APP: variants seen among roughly 807,000 people sequenced by gnomAD.
APP encodes the protein amyloid beta precursor protein.
In APP, 31 loss-of-function variants were observed where a neutral mutation model predicts 101.4. The observed-to-expected ratio is 0.31, with a 90% CI of 0.23 to 0.41. The LOEUF (loss-of-function observed/expected upper bound fraction) is 0.41. Ranked by LOEUF, APP falls within the 10% of genes least tolerant of loss-of-function variation. The pLI, the probability that APP is intolerant of heterozygous loss-of-function variation, is 1.00. For missense variants in APP, 839 were observed against 1,003.7 expected (o/e 0.84, Z 2.22); for synonymous variants, 366 against 364.4 (o/e 1.00, Z -0.05).
chr21:25,963,775 G>A (rs1285265434), intron 11 of APP, among the ~76,000 whole-genome samples: 1 of 152,092 alleles, frequency 6.6e-6, no homozygotes, highest in South Asian at 2.1e-4. Flanking sequence ...ACTGCCATGG[G>A]GACCTCTGAA....
intron 13 of APP, among the ~76,000 whole-genome samples, chr21:25,950,424 A>C (rs534646352): frequency 4.4e-4 from 58 of 133,136 alleles, no homozygotes; most frequent in African/African-American, 1.5e-3. Flanking sequence ...CTTGACGCCC[A>C]GGCTGGAGTG....
At chr21:25,974,247 T>C (rs139709469) in intron 11 of APP, among the ~76,000 whole-genome samples, 1 of 152,282 alleles carries the variant, frequency 6.6e-6, no homozygotes, top group East Asian at 1.9e-4. Context: ...ATCTCAACTT[T>C]CCTTGACCTT....
chr21:26,070,459 A>C lies in APP; in HGVS notation c.356-17111T>G, dbSNP rs184396717. Among the ~76,000 whole-genome samples the C allele has an allele frequency of 1.1e-3, 166 of 152,312 alleles. 1 individual carries two copies. Among genetic ancestry groups the C allele is most frequent in the African/African-American group, 3.7e-3 (153 of 41,570 alleles). On this transcript the variant is annotated intron_variant, in intron 3 of 17. Transcript: ENST00000346798. ...CTTCTTTAGCAGAAAATGCCCCTGG[A>C]GAATTTTGAACCATTTCTTGATCTA...
chr21:25,911,343 G>A (rs529756376), intron 14 of APP, among the ~76,000 whole-genome samples: 9 of 152,250 alleles, frequency 5.9e-5, no homozygotes, highest in South Asian at 2.1e-4. Flanking sequence ...GCTCCCCTTC[G>A]TCCGGGAGTG....
chr21:26,012,307 C>CTT (rs112703303), intron 6 of APP, among the ~76,000 whole-genome samples: 4 of 146,546 alleles, frequency 2.7e-5, no homozygotes, highest in African/African-American at 9.9e-5. Context: ...CCTGTAAACA[C>CTT]TTTTTTTTTT....
intron 13 of APP, among the ~76,000 whole-genome samples, chr21:25,918,945 AAGAC>A (rs1217446714): frequency 7.8e-6 from 1 of 128,596 alleles, no homozygotes; most frequent in Non-Finnish European, 1.6e-5. Flanking sequence ...GACAAACAAA[AAGAC>A]AGCAGTAACC....
chr21:25,952,754 A>G (rs2041146087), intron 13 of APP, among the ~76,000 whole-genome samples: 1 of 152,050 alleles, frequency 6.6e-6, no homozygotes, highest in Admixed American at 6.6e-5. Context: ...AAACAAACAA[A>G]CAAACAAACA....
chr21:26,063,330 T>A (rs535942740), intron 3 of APP, among the ~76,000 whole-genome samples: 64 of 152,338 alleles, frequency 4.2e-4, no homozygotes, highest in African/African-American at 1.4e-3. Context: ...GACAAATACA[T>A]TGCCTTGCTC....
In APP at chr21:26,000,151, C is replaced by T. The variant is rs201294669; in HGVS notation, c.897G>A (p.Pro299=). ...ACCAGCGGGAGATCATTGCTCGGCACGGCCCCGTCTCGGCTTGTTCAGAGC... is the reference window on the plus strand; with the variant it reads ...ACCAGCGGGAGATCATTGCTCGGCATGGCCCCGTCTCGGCTTGTTCAGAGC... The part of the protein sequence containing the change: ...EVCSEQAETG[P]CRAMISRWYF... The change falls in exon 7 of 18, where the codon CCG becomes CCA. Residue 299 remains proline, a synonymous_variant. Coordinates refer to ENST00000346798, the MANE Select transcript of APP (RefSeq NM_000484.4). 16 of 1,614,204 alleles carry T rather than the reference C, an allele frequency of 9.9e-6. No individual in the cohort carries two copies. In the South Asian group the frequency reaches 1.1e-4, roughly 11 times the overall value.
chr21:26,027,287 A>G lies in APP; in HGVS notation c.663-5245T>C, dbSNP rs1321801580. 2.6e-5 allele frequency among the ~76,000 whole-genome samples: 4 copies of G among 152,300 alleles called. No homozygotes were observed. The South Asian group carries it at 6.2e-4, about 24-fold the overall frequency. On this transcript the variant is annotated intron_variant, in intron 5 of 17. Coordinates refer to ENST00000346798, the MANE Select transcript of APP (RefSeq NM_000484.4). ...ATATGAAAATGGGAAAAAAGAGTCT[A>G]GAGGCTCCCAGAGTCAGAAGAGAGA...
chr21:26,124,718 T>C (rs1024945342), intron 1 of APP, among the ~76,000 whole-genome samples: 9 of 152,278 alleles, frequency 5.9e-5, no homozygotes, highest in Admixed American at 5.9e-4. Flanking sequence ...TGTTGATGGC[T>C]AAGCAAAACA....
chr21:25,941,873 G>A (rs1274528995), intron 13 of APP: 1 of 152,204 alleles, frequency 6.6e-6, no homozygotes, highest in African/African-American at 2.4e-5. Flanking sequence ...AAACTCTTAT[G>A]TCTGATCCCT....
chr21:26,016,020 C>T (rs932421683), intron 6 of APP, among the ~76,000 whole-genome samples: 1 of 151,934 alleles, frequency 6.6e-6, no homozygotes, highest in African/African-American at 2.4e-5. Flanking sequence ...ATTTGTGGAC[C>T]CCCGATCATT....
chr21:26,077,613 T>A (rs1436571623), intron 3 of APP, among the ~76,000 whole-genome samples: 1 of 151,998 alleles, frequency 6.6e-6, no homozygotes, highest in Non-Finnish European at 1.5e-5. Flanking sequence ...AGGTAATGCA[T>A]CAATGCCATT....
chr21:25,918,664 T>C (rs1486513463), intron 13 of APP, among the ~76,000 whole-genome samples: 1 of 151,660 alleles, frequency 6.6e-6, no homozygotes, highest in Non-Finnish European at 1.5e-5. Context: ...AATATTGCGC[T>C]TTTCAGACCG....
intron 1 of APP, among the ~76,000 whole-genome samples, chr21:26,153,891 T>G (rs2063325873): frequency 6.6e-6 from 1 of 152,230 alleles, no homozygotes; most frequent in South Asian, 2.1e-4. Context: ...ACATCCATGC[T>G]GGTAAATATT....
At chr21:26,104,235 G>A (rs45502397) in intron 2 of APP, among the ~76,000 whole-genome samples, 8,394 of 149,430 alleles carry the variant, frequency 0.056, 398 homozygotes, top group Admixed American at 0.13. Context: ...CGAATAGCCT[G>A]GGGTTAGGGT....
intron 5 of APP, 73 bp from the exon 6 acceptor site, chr21:26,022,115 A>G (rs562256365): frequency 1.9e-6 from 3 of 1,562,094 alleles, no homozygotes; most frequent in African/African-American, 1.4e-5. Context: ...AAAGTCGTCC[A>G]TATGGAATTT....
intron 5 of APP, among the ~76,000 whole-genome samples, chr21:26,049,318 A>G (rs768336651): frequency 5.9e-5 from 9 of 152,164 alleles, no homozygotes; most frequent in Non-Finnish European, 1.2e-4. Flanking sequence ...ACAGGAGAAA[A>G]TTCAATGGTT....
Sources: gnomAD v4.1 joint callset for allele counts (sites outside exome capture counted in the v4.1 genomes callset) on GRCh38, gnomAD v4.1.1 for gene constraint, MANE v1.5 for transcripts, NCBI Gene and HGNC (gene_info 2026-07-23, HGNC 2026-07-21) for gene names.